Variants in MYLIP observed in about 807,000 individuals in gnomAD.
MYLIP encodes myosin regulatory light chain interacting protein, also known as E3 ubiquitin-protein ligase MYLIP.
MYLIP carries 26 observed loss-of-function variants against 45.8 expected under a neutral mutation model. The observed-to-expected ratio is 0.57, with a 90% CI of 0.42 to 0.79. MYLIP has a LOEUF of 0.79. Ranked by LOEUF, MYLIP falls within the 30% of genes least tolerant of loss-of-function variation. MYLIP has a pLI of 0.00. For missense variants in MYLIP, 494 were observed against 555.6 expected (o/e 0.89, Z 1.11); for synonymous variants, 213 against 218.1 (o/e 0.98, Z 0.21).
At chr6:16,158,694 C>T in the MYLIP span, among the ~76,000 whole-genome samples, 9 of 152,202 alleles carry the variant, frequency 5.9e-5, no homozygotes, top group South Asian at 1.9e-3. Context: ...CATGTTCAAC[C>T]CCGTCTCTAC....
intron 2 of MYLIP, among the ~76,000 whole-genome samples, chr6:16,138,034 T>C (rs1254997061): frequency 1.3e-5 from 2 of 152,184 alleles, no homozygotes; most frequent in Non-Finnish European, 2.9e-5. Flanking sequence ...TGGGTAAAAC[T>C]TAAAGAAGAG....
At position 16,143,002 on chromosome 6, in the gene MYLIP, C is replaced by T. The variant is rs371830283; in HGVS notation, c.465-18C>T. ...AATATCTGTATACTTAATTCTCTGT[C>T]CTCTTGGTGTCCTCCAGCATTGTTG... is the stretch of plus-strand genomic sequence containing the variant. On this transcript the variant is annotated intron_variant, in intron 3 of 6. Coordinates refer to ENST00000356840, the MANE Select transcript of MYLIP (RefSeq NM_013262.4). 1.9e-6 allele frequency: 3 copies of T among 1,609,272 alleles called. No individual in the cohort carries two copies. The highest frequency in any genetic ancestry group is 2.5e-6 in the Non-Finnish European group (3 of 1,177,232).
At position 16,145,123 on chromosome 6, in the gene MYLIP, A is replaced by G. The variant is rs1172702203; in HGVS notation, c.1054A>G (p.Lys352Glu). Reference protein sequence around the residue: ...NNQSPSHSPLKSSESSMNCSS... With the variant: ...NNQSPSHSPLESSESSMNCSS... Reference sequence around the variant, plus strand: ...CCAGAGCCCTTCACACTCGCCTCTGAAGTCCTCAGAAAGCAGCATGAACTG... The same window carrying G: ...CCAGAGCCCTTCACACTCGCCTCTGGAGTCCTCAGAAAGCAGCATGAACTG... Residue 352 changes from lysine to glutamate, a missense_variant, in exon 6 of 7, where the codon AAG becomes GAG. Coordinates refer to ENST00000356840, the MANE Select transcript of MYLIP (RefSeq NM_013262.4). The G allele has an allele frequency of 2.5e-6, 4 of 1,614,108 alleles. No homozygotes were observed. The African/African-American group carries it at 4.0e-5, about 16-fold the overall frequency.
chr6:16,149,349 G>A (rs1759851390), downstream of MYLIP, among the ~76,000 whole-genome samples: 1 of 152,212 alleles, frequency 6.6e-6, no homozygotes, highest in Non-Finnish European at 1.5e-5. Flanking sequence ...TTACATGGTG[G>A]CATCATAGAA....
At chr6:16,136,612 G>C (rs1415352565) in intron 2 of MYLIP, among the ~76,000 whole-genome samples, 9 of 152,132 alleles carry the variant, frequency 5.9e-5, no homozygotes, top group African/African-American at 2.2e-4. Context: ...GAATAGCTGG[G>C]TCATGGAGTA....
At chr6:16,143,263 C>A in intron 4 of MYLIP, 46 bp downstream of exon 4, 1 of 1,548,950 alleles carries the variant, frequency 6.5e-7, no homozygotes, top group Non-Finnish European at 8.9e-7. Flanking sequence ...GTGTATACAT[C>A]TGTAGCTGTC....
intron 6 of MYLIP, among the ~76,000 whole-genome samples, chr6:16,145,958 A>T (rs903110506): frequency 1.3e-5 from 2 of 152,156 alleles, no homozygotes; most frequent in Admixed American, 1.3e-4. Flanking sequence ...TATTTCTCAG[A>T]TGTGTTTGCC....
chr6:16,144,947 A>C lies in MYLIP; in HGVS notation c.878A>C (p.Lys293Thr). 6.2e-7 allele frequency: 1 copy of C among 1,614,232 alleles called. No individual in the cohort carries two copies. The highest frequency in any genetic ancestry group is 8.5e-7 in the Non-Finnish European group (1 of 1,180,034). The change falls in exon 6 of 7, where the codon AAG becomes ACG. Residue 293 changes from lysine (K) to threonine (T), a missense_variant. By Grantham distance (78) the Lys-to-Thr change is moderately conservative. Transcript: ENST00000356840. ...ATGATGCAGTATAGCCGTGACTTGA[A>C]GGGCCACTTGGCATCTCTGTTTCTG... is the stretch of plus-strand genomic sequence containing the variant. ...AVMMQYSRDLKGHLASLFLNE... is the reference protein window; with the variant it reads ...AVMMQYSRDLTGHLASLFLNE...
intron 2 of MYLIP, among the ~76,000 whole-genome samples, chr6:16,136,576 C>G (rs1039700276): frequency 1.3e-5 from 2 of 152,262 alleles, no homozygotes; most frequent in Non-Finnish European, 2.9e-5. Flanking sequence ...TTTCATTTCT[C>G]TTGAATAAAT....
Position 16,129,219 on chromosome 6 carries a change from G to C in MYLIP, c.-104G>C, listed in dbSNP as rs758949875. ...GGTCCGCAGAGCTGCAGCCTTCGAG[G>C]GCCAGCCCTCTCCGAGTCCGGGGCT... On this transcript the variant is annotated 5_prime_UTR_variant, in exon 1 of 7. Coordinates refer to ENST00000356840, the MANE Select transcript of MYLIP (RefSeq NM_013262.4). The surrounding 1 kb of genome is among the most constrained non-coding windows in gnomAD (Gnocchi z 5.1). 3.3e-4 allele frequency: 415 copies of C among 1,256,642 alleles called. 3 individuals carry two copies. Among genetic ancestry groups the C allele is most frequent in the Non-Finnish European group, 3.1e-4 (275 of 895,856 alleles). 77.8% of individuals were successfully genotyped at this position (1,256,642 alleles called of 1,614,324 possible).
chr6:16,162,804 A>AAAAAAAAAAAAAAAAAAAT, the MYLIP span, among the ~76,000 whole-genome samples: 1 of 151,092 alleles, frequency 6.6e-6, no homozygotes, highest in African/African-American at 2.4e-5. Flanking sequence ...AAAAAAAAAA[A>AAAAAAAAAAAAAAAAAAAT]AGAAATTCAT....
chr6:16,162,371 C>T, the MYLIP span, among the ~76,000 whole-genome samples: 15 of 152,090 alleles, frequency 9.9e-5, no homozygotes, highest in Non-Finnish European at 2.1e-4. Context: ...AGGGCCATTC[C>T]TATCACAAAA....
chr6:16,157,181 C>T, the MYLIP span, among the ~76,000 whole-genome samples: 39 of 152,330 alleles, frequency 2.6e-4, no homozygotes, highest in East Asian at 6.9e-3. Flanking sequence ...GCTTAGGGAG[C>T]GCTTTTCCCT....
Position 16,129,635 on chromosome 6 carries a change from G to C in MYLIP, c.87+226G>C, listed in dbSNP as rs1409826353. On this transcript the variant is annotated intron_variant, in intron 1 of 6. Transcript: ENST00000356840. This position sits in a 1 kb window ranked among gnomAD's most constrained non-coding sequence, Gnocchi z 5.1. The stretch of plus-strand genomic sequence containing the variant: ...GCGCAGCGGGGGTCCCCAGCGCTGA[G>C]GGCCGGGCGCAGCCCGCAGCCGGGA... 6.6e-6 allele frequency among the ~76,000 whole-genome samples: 1 copy of C among 152,184 alleles called. No homozygotes were observed. Among genetic ancestry groups the C allele is most frequent in the Non-Finnish European group, 1.5e-5 (1 of 68,018 alleles).
intron 2 of MYLIP, among the ~76,000 whole-genome samples, chr6:16,134,945 C>T (rs8180638): frequency 0.23 from 34,175 of 151,776 alleles, 3,984 homozygotes; most frequent in Admixed American, 0.3. Flanking sequence ...GTTTTTAAAA[C>T]GACATGTAAA....
chr6:16,142,982 C>A lies in MYLIP; in HGVS notation c.465-38C>A, dbSNP rs561747106. 1.6e-4 allele frequency: 257 copies of A among 1,578,718 alleles called. 2 individuals carry two copies. In the South Asian group the frequency reaches 2.8e-3, roughly 17 times the overall value. On this transcript the variant is annotated intron_variant, in intron 3 of 6. Transcript: ENST00000356840. ...ATAGGTTTATCTCTAAAGCTAATATCTGTATACTTAATTCTCTGTCCTCTT... is the reference window on the plus strand; with the variant it reads ...ATAGGTTTATCTCTAAAGCTAATATATGTATACTTAATTCTCTGTCCTCTT...
intron 4 of MYLIP, among the ~76,000 whole-genome samples, 160 bp from the exon 5 acceptor site, chr6:16,143,539 T>C (rs1295340141): frequency 6.6e-6 from 1 of 152,204 alleles, no homozygotes; most frequent in Non-Finnish European, 1.5e-5. Flanking sequence ...CTTTTCACTG[T>C]ATCTTTACAA....
chr6:16,157,952 T>C, the MYLIP span, among the ~76,000 whole-genome samples: 1 of 152,248 alleles, frequency 6.6e-6, no homozygotes, highest in Non-Finnish European at 1.5e-5. Flanking sequence ...GAAGGCAAGA[T>C]AGCAGGATTT....
chr6:16,145,364 T>A (rs1371667407), intron 6 of MYLIP, 47 bp downstream of exon 6: 2 of 1,530,206 alleles, frequency 1.3e-6, no homozygotes, highest in South Asian at 2.5e-5. Context: ...CACCTATCCC[T>A]CCTCTTAACG....
Sources: allele counts gnomAD v4.1 joint callset (sites outside exome capture counted in the v4.1 genomes callset), GRCh38; gene constraint gnomAD v4.1.1; non-coding constraint Gnocchi (gnomAD v3.1); transcripts MANE v1.5; gene names NCBI Gene and HGNC (gene_info 2026-07-23, HGNC 2026-07-21).